Variants in PLCB4 observed in about 807,000 individuals in gnomAD.
The protein encoded by PLCB4 is phospholipase C beta 4, also known as 1-phosphatidylinositol 4,5-bisphosphate phosphodiesterase beta-4.
In PLCB4, 77 loss-of-function variants were observed where a neutral mutation model predicts 178.8. The ratio of observed to expected loss-of-function variants is 0.43; its 90% CI spans 0.36 to 0.52. PLCB4 has a LOEUF of 0.52. Among genes scored for constraint, PLCB4 ranks in the 20% least tolerant of loss-of-function variants. The probability of loss-of-function intolerance (pLI) is 0.00; values close to 1 mark genes in which losing one functional copy is unlikely to be tolerated. For synonymous variants in PLCB4, 496 were observed against 490.8 expected (o/e 1.01, Z -0.14); for missense variants, 1,024 against 1,453.4 (o/e 0.70, Z 4.80).
chr20:9,333,789 G>C (rs1462384212), intron 4 of PLCB4, among the ~76,000 whole-genome samples: 1 of 152,064 alleles, frequency 6.6e-6, no homozygotes, highest in African/African-American at 2.4e-5. Flanking sequence ...TATAGAAGAA[G>C]ACTTGCTACT....
intron 4 of PLCB4, among the ~76,000 whole-genome samples, chr20:9,316,750 C>T (rs1035092687): frequency 6.6e-6 from 1 of 152,172 alleles, no homozygotes; most frequent in African/African-American, 2.4e-5. Flanking sequence ...TTGGCCCGAA[C>T]ACTGAAACAA....
At chr20:9,432,253 ATCTTGCTTTATTGATTCTTTAATG>A (rs2041471633) in intron 28 of PLCB4, among the ~76,000 whole-genome samples, 2 of 152,220 alleles carry the variant, frequency 1.3e-5, no homozygotes, top group Admixed American at 6.5e-5. Flanking sequence ...ATCATTTAAT[ATCTTGCTTTATTGATTCTTTAATG>A]TCTTGCTTTA....
chr20:9,088,905 T>C (rs4813884), intron 1 of PLCB4, among the ~76,000 whole-genome samples: 72,624 of 151,690 alleles, frequency 0.48, 17,982 homozygotes, highest in Middle Eastern at 0.56. Flanking sequence ...TGCATATATA[T>C]GCAGACATAT....
intron 33 of PLCB4, among the ~76,000 whole-genome samples, chr20:9,455,117 T>C (rs912628285): frequency 6.6e-6 from 1 of 152,226 alleles, no homozygotes; most frequent in African/African-American, 2.4e-5. Flanking sequence ...TAATTTCTCA[T>C]ATTTAATGAC....
At chr20:9,438,192 C>T (rs558888396) in intron 30 of PLCB4, among the ~76,000 whole-genome samples, 195 of 152,038 alleles carry the variant, frequency 1.3e-3, no homozygotes, top group African/African-American at 4.6e-3. Flanking sequence ...TGTTGAAACC[C>T]CGTCTCTACT....
chr20:9,463,427 A>G (rs909856841), intron 35 of PLCB4, among the ~76,000 whole-genome samples: 2 of 152,068 alleles, frequency 1.3e-5, no homozygotes, highest in Non-Finnish European at 2.9e-5. Flanking sequence ...TATTAACCTT[A>G]AATGTAAATA....
At chr20:9,298,618 C>G (rs532185217) in intron 3 of PLCB4, among the ~76,000 whole-genome samples, 1 of 152,204 alleles carries the variant, frequency 6.6e-6, no homozygotes, top group East Asian at 1.9e-4. Context: ...CCCCAGGTAA[C>G]TAAACATATT....
At chr20:9,069,616 C>T (rs2089463248) in intron 1 of PLCB4, among the ~76,000 whole-genome samples, 1 of 152,184 alleles carries the variant, frequency 6.6e-6, no homozygotes, top group African/African-American at 2.4e-5. Context: ...TAAAACAACA[C>T]TGACAGGCTT....
At chr20:9,288,856 T>A (rs571299600) in intron 3 of PLCB4, among the ~76,000 whole-genome samples, 1 of 152,206 alleles carries the variant, frequency 6.6e-6, no homozygotes, top group African/African-American at 2.4e-5. Context: ...GATTCCATAT[T>A]TTAAGACATT....
chr20:9,280,011 T>C (rs1456219133), intron 3 of PLCB4, among the ~76,000 whole-genome samples: 3 of 152,068 alleles, frequency 2.0e-5, no homozygotes, highest in African/African-American at 7.2e-5. Flanking sequence ...TCCATTGCTA[T>C]GAACAGACTA....
At chr20:9,154,585 G>GT (rs1375468068) in intron 2 of PLCB4, among the ~76,000 whole-genome samples, 1 of 152,042 alleles carries the variant, frequency 6.6e-6, no homozygotes, top group East Asian at 1.9e-4. Flanking sequence ...TTTCCTGGGG[G>GT]AAACAGTGTT....
intron 35 of PLCB4, among the ~76,000 whole-genome samples, chr20:9,463,061 C>T (rs955688950): frequency 2.0e-5 from 3 of 152,128 alleles, no homozygotes; most frequent in Non-Finnish European, 2.9e-5. Flanking sequence ...AGACTAACAG[C>T]GGACCTCTCG....
chr20:9,453,957 CA>C (rs2042916075), intron 33 of PLCB4, among the ~76,000 whole-genome samples: 1 of 152,188 alleles, frequency 6.6e-6, no homozygotes, highest in South Asian at 2.1e-4. Context: ...AACCAAGCCA[CA>C]GTGATTTTTC....
rs532982298 is a variant in PLCB4 at position 9,296,045 on chromosome 20, G to A, written c.-15-11755G>A. On this transcript the variant is annotated intron_variant, in intron 3 of 39. Coordinates refer to ENST00000378473, the MANE Select transcript of PLCB4 (RefSeq NM_001377142.1). ...ACTAAAGAGCTTCTGCACAGCAAAA[G>A]AAACTAGCATCAAAGTGAACAGGCA... Among the ~76,000 whole-genome samples the A allele has an allele frequency of 5.6e-3, 849 of 152,244 alleles. 3 individuals carry two copies. Among genetic ancestry groups the A allele is most frequent in the Non-Finnish European group, 9.3e-3 (632 of 68,022 alleles).
At chr20:9,383,472 G>A (rs749290146) in intron 13 of PLCB4, among the ~76,000 whole-genome samples, 7 of 152,252 alleles carry the variant, frequency 4.6e-5, no homozygotes, top group South Asian at 2.1e-4. Flanking sequence ...TGAAGCTGTC[G>A]ATGCATCAAC....
intron 6 of PLCB4, among the ~76,000 whole-genome samples, 156 bp downstream of exon 6, chr20:9,338,223 A>G (rs1470750028): frequency 6.6e-6 from 1 of 152,198 alleles, no homozygotes; most frequent in Non-Finnish European, 1.5e-5. Flanking sequence ...GGTTGTGGTA[A>G]TGTCACATTT....
intron 25 of PLCB4, among the ~76,000 whole-genome samples, chr20:9,416,829 C>A (rs1290306527): frequency 6.6e-6 from 1 of 152,104 alleles, no homozygotes; most frequent in Non-Finnish European, 1.5e-5. Context: ...TCAGTGTTGT[C>A]TCTTAAAGAT....
intron 12 of PLCB4, among the ~76,000 whole-genome samples, chr20:9,373,554 A>G (rs574540924): frequency 6.6e-6 from 1 of 152,260 alleles, no homozygotes; most frequent in South Asian, 2.1e-4. Flanking sequence ...TTGTCTTTTA[A>G]TGGATTGCAT....
intron 2 of PLCB4, among the ~76,000 whole-genome samples, chr20:9,123,778 CT>C: frequency 6.6e-6 from 1 of 152,048 alleles, no homozygotes; most frequent in East Asian, 1.9e-4. Context: ...GACTTCATTT[CT>C]TTCAAATGGT....
Sources: allele counts gnomAD v4.1 joint callset (sites outside exome capture counted in the v4.1 genomes callset), GRCh38; gene constraint gnomAD v4.1.1; transcripts MANE v1.5; gene names NCBI Gene and HGNC (gene_info 2026-07-23, HGNC 2026-07-21).